The following MCC variants were observed in gnomAD, a reference collection of about 807,000 sequenced individuals.
MCC encodes the protein colorectal mutant cancer protein.
A neutral mutation model predicts 116.2 loss-of-function variants in MCC; 90 were observed. That is an observed-to-expected ratio of 0.77 (90% CI 0.65 to 0.92). The LOEUF (loss-of-function observed/expected upper bound fraction) is 0.92, where lower values mean the gene tolerates loss of function less well. Ranked by LOEUF, MCC falls within the 40% of genes least tolerant of loss-of-function variation. The probability of loss-of-function intolerance (pLI) is 0.00; values close to 1 mark genes in which losing one functional copy is unlikely to be tolerated. For synonymous variants in MCC, 578 were observed against 510.5 expected (o/e 1.13, Z -1.78); for missense variants, 1,516 against 1,312.2 (o/e 1.16, Z -2.40).
chr5:113,195,634 AT>A lies in MCC; in HGVS notation c.628-44213del, dbSNP rs1762367831. Among the ~76,000 whole-genome samples, 3 of 152,162 alleles carry A rather than the reference AT, an allele frequency of 2.0e-5. No individual in the cohort carries two copies. In the South Asian group the frequency reaches 6.2e-4, roughly 32 times the overall value. ...GTAATCTTAAGCACCCTTAGAAGAA[AT>A]GGGCTGGAAGAAAAAGCCAGATGGA... On this transcript the variant is annotated intron_variant, in intron 3 of 18. Transcript: ENST00000408903.
At chr5:113,242,539 T>G (rs1035878261) in intron 3 of MCC, among the ~76,000 whole-genome samples, 1 of 123,240 alleles carries the variant, frequency 8.1e-6, no homozygotes, top group Non-Finnish European at 1.9e-5. Context: ...TAATTATTAG[T>G]TTTTTTTTTA....
chr5:113,354,702 G>A (rs1448497515), intron 2 of MCC, among the ~76,000 whole-genome samples: 1 of 151,514 alleles, frequency 6.6e-6, no homozygotes, highest in South Asian at 2.1e-4. Flanking sequence ...CCCAAATGCT[G>A]GGATTACAGG....
intron 3 of MCC, among the ~76,000 whole-genome samples, chr5:113,307,151 C>T (rs1304560034): frequency 6.6e-6 from 1 of 152,076 alleles, no homozygotes; most frequent in African/African-American, 2.4e-5. Context: ...CCTTGCATTT[C>T]AAAGAATTTT....
chr5:113,115,417 C>T (rs1457389652), intron 6 of MCC, among the ~76,000 whole-genome samples: 1 of 152,200 alleles, frequency 6.6e-6, no homozygotes, highest in Non-Finnish European at 1.5e-5. Flanking sequence ...TAAAATCTTA[C>T]CAGCTGGGGA....
In MCC at chr5:113,259,458, T is replaced by C. The variant is rs543161846; in HGVS notation, c.627+81061A>G. ...TTTGAAAATACAGTAAGTCAGGTAA[T>C]AGAGTCTACCACACCCCTAAGTCAT... On this transcript the variant is annotated intron_variant, in intron 3 of 18. Coordinates refer to ENST00000408903, the MANE Select transcript of MCC (RefSeq NM_001085377.2). Among the ~76,000 whole-genome samples, 130 of 152,262 alleles carry C rather than the reference T, an allele frequency of 8.5e-4. 1 individual carries two copies. The Middle Eastern group carries it at 0.014, about 16-fold the overall frequency.
chr5:113,100,016 C>T (rs1756296508), intron 8 of MCC, among the ~76,000 whole-genome samples: 3 of 152,160 alleles, frequency 2.0e-5, no homozygotes, highest in Admixed American at 2.0e-4. Flanking sequence ...CAAATTTCAT[C>T]ATGCTGCCCA....
At chr5:113,166,705 T>TAAAA (rs1210505602) in intron 3 of MCC, among the ~76,000 whole-genome samples, 6 of 122,510 alleles carry the variant, frequency 4.9e-5, no homozygotes, top group African/African-American at 1.3e-4. Context: ...ATCATTTATT[T>TAAAA]AAAAAAAAAA....
Position 113,465,915 on chromosome 5 carries a change from AAGCAATTAGGAATACATT to A in MCC, c.170+22312_170+22329del, listed in dbSNP as rs539888607. 8.1e-4 allele frequency among the ~76,000 whole-genome samples: 123 copies of A among 152,288 alleles called. 1 individual carries two copies. Among genetic ancestry groups the A allele is most frequent in the Non-Finnish European group, 1.3e-3 (91 of 68,024 alleles). On this transcript the variant is annotated intron_variant, in intron 1 of 18. Transcript: ENST00000408903. ...TAGACTGCTGATGTTAAACTCTGAAAAGCAATTAGGAATACATTAACCCACATTTTTTTTTTTTTTAGA... is the reference window on the plus strand; with the variant it reads ...TAGACTGCTGATGTTAAACTCTGAAAAACCCACATTTTTTTTTTTTTTAGA...
chr5:113,164,078 TCAA>T (rs1023308352), intron 3 of MCC, among the ~76,000 whole-genome samples: 1 of 152,204 alleles, frequency 6.6e-6, no homozygotes, highest in African/African-American at 2.4e-5. Context: ...ATCCTTGCTC[TCAA>T]CAAGCTCCCA....
At chr5:113,308,803 CCT>C (rs1294214926) in intron 3 of MCC, among the ~76,000 whole-genome samples, 5 of 148,424 alleles carry the variant, frequency 3.4e-5, no homozygotes, top group Non-Finnish European at 7.4e-5. Context: ...ACCCTAAGAC[CCT>C]GCAAAAAAAA....
chr5:113,429,209 T>G (rs1326738859), intron 1 of MCC, among the ~76,000 whole-genome samples: 1 of 151,996 alleles, frequency 6.6e-6, no homozygotes, highest in Non-Finnish European at 1.5e-5. Flanking sequence ...GTAATTAATG[T>G]GAAATGTGGG....
intron 2 of MCC, among the ~76,000 whole-genome samples, chr5:113,380,257 C>T (rs1246163631): frequency 6.6e-6 from 1 of 152,218 alleles, no homozygotes; most frequent in East Asian, 1.9e-4. Context: ...CTCCATCCTA[C>T]AGTCACAGGT....
intron 1 of MCC, among the ~76,000 whole-genome samples, chr5:113,469,730 G>A (rs1252822989): frequency 6.6e-6 from 1 of 152,048 alleles, no homozygotes; most frequent in Non-Finnish European, 1.5e-5. Context: ...CAATTCCTGG[G>A]TATCCTTGTT....
At chr5:113,401,264 T>C (rs1162927135) in intron 1 of MCC, among the ~76,000 whole-genome samples, 14 of 152,188 alleles carry the variant, frequency 9.2e-5, no homozygotes, top group Admixed American at 9.2e-4. Context: ...TATTACAACA[T>C]GTATTTAATA....
chr5:113,488,360 C>CGCT lies in MCC; in HGVS notation c.54_55insAGC (p.Gly18_Gly19insSer), dbSNP rs2150439479. The CGCT allele has an allele frequency of 1.3e-6, 2 of 1,517,758 alleles. No homozygotes were observed. The highest frequency in any genetic ancestry group is 2.9e-5 in the East Asian group (1 of 35,008). 94.0% of individuals were successfully genotyped at this position (1,517,758 alleles called of 1,614,324 possible). On this transcript the variant is annotated inframe_insertion, in exon 1 of 19. Transcript: ENST00000408903. Reference sequence around the variant, plus strand: ...CTGCTGCTGCTGCCGCTGCCGCCGCCGCCGCCGCCGCTGCTGGAGCTCCCC... The same window carrying CGCT: ...CTGCTGCTGCTGCCGCTGCCGCCGCCGCTGCCGCCGCCGCTGCTGGAGCTCCCC...
At chr5:113,070,004 A>T (rs564475434) in intron 12 of MCC, among the ~76,000 whole-genome samples, 1 of 152,348 alleles carries the variant, frequency 6.6e-6, no homozygotes, top group African/African-American at 2.4e-5. Context: ...AGATGTGAGG[A>T]CATTTCCTTA....
chr5:113,332,691 T>A (rs548881035), intron 3 of MCC, among the ~76,000 whole-genome samples: 1 of 151,442 alleles, frequency 6.6e-6, no homozygotes, highest in Admixed American at 6.6e-5. Flanking sequence ...GCCAATAAAA[T>A]ATAACATTTG....
At position 113,219,813 on chromosome 5, in the gene MCC, A is replaced by G. The variant is rs181427486; in HGVS notation, c.628-68391T>C. On this transcript the variant is annotated intron_variant, in intron 3 of 18. Coordinates refer to ENST00000408903, the MANE Select transcript of MCC (RefSeq NM_001085377.2). ...AGAGAATATTGATTCCTCTTCATCC[A>G]GTCCAACCTGGCCTTCAGAATGACT... 8.9e-4 allele frequency among the ~76,000 whole-genome samples: 136 copies of G among 152,244 alleles called. 1 individual carries two copies. The highest frequency in any genetic ancestry group is 2.2e-3 in the African/African-American group (92 of 41,568).
intron 1 of MCC, among the ~76,000 whole-genome samples, chr5:113,440,312 CT>C (rs11345052): frequency 0.033 from 4,952 of 152,190 alleles, 285 homozygotes; most frequent in African/African-American, 0.11. Context: ...ATCTGAGGCT[CT>C]TTATCATCTG....
Sources: allele counts gnomAD v4.1 joint callset (sites outside exome capture counted in the v4.1 genomes callset), GRCh38; gene constraint gnomAD v4.1.1; transcripts MANE v1.5; gene names NCBI Gene and HGNC (gene_info 2026-07-23, HGNC 2026-07-21).